The following SAMD12 variants were observed in gnomAD, a reference collection of about 807,000 sequenced individuals.
SAMD12 encodes the protein sterile alpha motif domain-containing protein 12.
A neutral mutation model predicts 15.0 loss-of-function variants in SAMD12; 9 were observed. The ratio of observed to expected loss-of-function variants is 0.60; its 90% CI spans 0.36 to 1.05. The LOEUF is 1.05. SAMD12 is among the 50% of genes least tolerant of loss of function. SAMD12 has a pLI of 0.01. For synonymous variants in SAMD12, 86 were observed against 90.1 expected, an observed-to-expected ratio of 0.96 and a Z score of 0.25; for missense variants, 230 against 234.2, an observed-to-expected ratio of 0.98 and a Z score of 0.12.
At chr8:118,392,805 C>T (rs1820354987) in intron 3 of SAMD12, among the ~76,000 whole-genome samples, 1 of 152,040 alleles carries the variant, frequency 6.6e-6, no homozygotes. Flanking sequence ...TGTGTGGCAT[C>T]CTTGGCCTCT....
At chr8:118,322,326 C>T (rs992229581) in intron 4 of SAMD12, among the ~76,000 whole-genome samples, 1 of 152,174 alleles carries the variant, frequency 6.6e-6, no homozygotes, top group Non-Finnish European at 1.5e-5. Context: ...GTCTGGGTCC[C>T]CTCTGTTGCT....
chr8:118,452,303 A>G (rs1238925999), intron 2 of SAMD12, among the ~76,000 whole-genome samples: 2 of 152,210 alleles, frequency 1.3e-5, no homozygotes, highest in Non-Finnish European at 2.9e-5. Flanking sequence ...GGACTGTTCA[A>G]TTCAGACAAA....
downstream of SAMD12, among the ~76,000 whole-genome samples, chr8:118,189,073 C>T (rs1819292894): frequency 6.6e-6 from 1 of 152,000 alleles, no homozygotes; most frequent in African/African-American, 2.4e-5. Context: ...AATCGGTGGG[C>T]CAAGATCTGT....
intron 4 of SAMD12, among the ~76,000 whole-genome samples, chr8:118,313,031 C>G (rs10086371): frequency 6.6e-6 from 1 of 152,134 alleles, no homozygotes; most frequent in South Asian, 2.1e-4. Context: ...TTTGCATCCA[C>G]AAAGAGGAGA....
intron 2 of SAMD12, among the ~76,000 whole-genome samples, chr8:118,529,858 T>G (rs1307933752): frequency 6.6e-6 from 1 of 152,238 alleles, no homozygotes; most frequent in African/African-American, 2.4e-5. Flanking sequence ...GGTATCTTTA[T>G]GATATAACAA....
chr8:118,490,423 C>T (rs1013581754), intron 2 of SAMD12, among the ~76,000 whole-genome samples: 3 of 151,998 alleles, frequency 2.0e-5, no homozygotes, highest in Non-Finnish European at 4.4e-5. Flanking sequence ...TCCCTAAGGA[C>T]AAAGAAAAGA....
intron 2 of SAMD12, among the ~76,000 whole-genome samples, chr8:118,515,506 C>A (rs75245617): frequency 0.01 from 1,574 of 152,112 alleles, 14 homozygotes; most frequent in Middle Eastern, 0.02. Context: ...TATAGCAATG[C>A]GAGAATGGAC....
intron 1 of SAMD12, among the ~76,000 whole-genome samples, chr8:118,616,910 G>C (rs185961414): frequency 6.6e-6 from 1 of 152,302 alleles, no homozygotes; most frequent in East Asian, 1.9e-4. Flanking sequence ...AGAGATCTAG[G>C]TTGCACATGC....
intron 4 of SAMD12, among the ~76,000 whole-genome samples, chr8:118,258,494 G>GC (rs1374797426): frequency 6.6e-6 from 1 of 152,074 alleles, no homozygotes; most frequent in Non-Finnish European, 1.5e-5. Context: ...CTGGCACCAT[G>GC]CCACTATGTT....
chr8:118,282,824 C>T (rs1813717814), intron 4 of SAMD12, among the ~76,000 whole-genome samples: 1 of 151,944 alleles, frequency 6.6e-6, no homozygotes, highest in South Asian at 2.1e-4. Flanking sequence ...TTATATCAGC[C>T]ATAATATTTA....
intron 4 of SAMD12, among the ~76,000 whole-genome samples, chr8:118,282,753 C>T (rs1813713835): frequency 6.6e-6 from 1 of 152,116 alleles, no homozygotes; most frequent in African/African-American, 2.4e-5. Context: ...GCAATTATGA[C>T]ATTTTATCAC....
chr8:118,308,823 T>C (rs1314535027), intron 4 of SAMD12, among the ~76,000 whole-genome samples: 1 of 152,054 alleles, frequency 6.6e-6, no homozygotes, highest in Non-Finnish European at 1.5e-5. Flanking sequence ...CATTTTATTC[T>C]GCACCCTGCT....
At chr8:118,566,178 C>T (rs188535126) in intron 2 of SAMD12, among the ~76,000 whole-genome samples, 205 of 152,270 alleles carry the variant, frequency 1.3e-3, no homozygotes, top group Non-Finnish European at 4.7e-4. Flanking sequence ...AAACCTGCCA[C>T]GATGATCTTC....
intron 2 of SAMD12, among the ~76,000 whole-genome samples, chr8:118,463,023 C>G (rs1823473930): frequency 1.4e-5 from 2 of 146,354 alleles, no homozygotes; most frequent in African/African-American, 5.1e-5. Flanking sequence ...ATGGCGTGAA[C>G]CCGGGAGGCG....
intron 4 of SAMD12, among the ~76,000 whole-genome samples, chr8:118,244,660 T>C (rs1200065276): frequency 1.3e-5 from 2 of 152,242 alleles, no homozygotes; most frequent in East Asian, 3.9e-4. Context: ...ACCATCTTTG[T>C]TGGATAAAAT....
intron 4 of SAMD12, among the ~76,000 whole-genome samples, chr8:118,228,402 C>T (rs17432583): frequency 0.31 from 47,162 of 151,934 alleles, 9,791 homozygotes; most frequent in African/African-American, 0.59. Context: ...GGACTAATAT[C>T]CAGGATTTAC....
chr8:118,305,781 C>G (rs1259324960), intron 4 of SAMD12, among the ~76,000 whole-genome samples: 1 of 152,138 alleles, frequency 6.6e-6, no homozygotes, highest in African/African-American at 2.4e-5. Flanking sequence ...AGTGCTTTTT[C>G]CTTCTTTGCC....
intron 3 of SAMD12, among the ~76,000 whole-genome samples, chr8:118,409,128 T>C (rs1423533630): frequency 1.3e-5 from 2 of 152,032 alleles, no homozygotes; most frequent in Non-Finnish European, 2.9e-5. Context: ...CAAGATGAAG[T>C]TACAAATGGG....
chr8:118,289,023 T>C (rs144598587), intron 4 of SAMD12, among the ~76,000 whole-genome samples: 506 of 152,356 alleles, frequency 3.3e-3, no homozygotes, highest in Middle Eastern at 0.024. Context: ...TGTTTTTCTG[T>C]AATATATTAG....
Sources: allele counts gnomAD v4.1 joint callset (sites outside exome capture counted in the v4.1 genomes callset), GRCh38; gene constraint gnomAD v4.1.1; transcripts MANE v1.5; gene names NCBI Gene and HGNC (gene_info 2026-07-23, HGNC 2026-07-21).